ROBO2: variants seen among roughly 807,000 people sequenced by gnomAD.
The protein encoded by ROBO2 is roundabout homolog 2.
Under a neutral mutation model 160.8 loss-of-function variants are expected in ROBO2, and 53 were observed. The ratio of observed to expected loss-of-function variants is 0.33; its 90% CI spans 0.26 to 0.41. The LOEUF (loss-of-function observed/expected upper bound fraction) is 0.41, where lower values mean the gene tolerates loss of function less well. Ranked by LOEUF, ROBO2 falls within the 10% of genes least tolerant of loss-of-function variation. The pLI, the probability that ROBO2 is intolerant of heterozygous loss-of-function variation, is 1.00. For synonymous variants in ROBO2, 664 were observed against 611.7 expected, an observed-to-expected ratio of 1.09 and a Z score of -1.26; for missense variants, 1,577 against 1,722.4, an observed-to-expected ratio of 0.92 and a Z score of 1.49.
intron 2 of ROBO2, among the ~76,000 whole-genome samples, chr3:76,491,445 A>G (rs187481317): frequency 6.6e-6 from 1 of 152,280 alleles, no homozygotes; most frequent in Admixed American, 6.5e-5. Context: ...CTGAGTTAGC[A>G]AAGGAACTTG....
chr3:77,500,420 T>C (rs770723865), intron 5 of ROBO2, among the ~76,000 whole-genome samples: 1 of 152,208 alleles, frequency 6.6e-6, no homozygotes, highest in Non-Finnish European at 1.5e-5. Flanking sequence ...GAGGGCATGA[T>C]AATTATATGA....
At chr3:76,282,259 G>A (rs2107672428) in intron 2 of ROBO2, among the ~76,000 whole-genome samples, 1 of 151,974 alleles carries the variant, frequency 6.6e-6, no homozygotes, top group Middle Eastern at 3.4e-3. Context: ...GGTAGCTATG[G>A]ACCTGTACTT....
At chr3:77,210,907 A>G (rs1337022497) in intron 2 of ROBO2, among the ~76,000 whole-genome samples, 1 of 152,180 alleles carries the variant, frequency 6.6e-6, no homozygotes, top group Admixed American at 6.5e-5. Flanking sequence ...GTCCCTACAA[A>G]GGACATGAAC....
intron 2 of ROBO2, among the ~76,000 whole-genome samples, chr3:75,989,330 C>T (rs2065501173): frequency 6.6e-6 from 1 of 151,988 alleles, no homozygotes; most frequent in Non-Finnish European, 1.5e-5. Context: ...GTTGGCCAGG[C>T]TGGTCTCGAA....
chr3:77,276,738 C>T (rs572474732), intron 2 of ROBO2, among the ~76,000 whole-genome samples: 1 of 152,012 alleles, frequency 6.6e-6, no homozygotes, highest in Admixed American at 6.6e-5. Flanking sequence ...AAAAACATAC[C>T]CAAGATTGGG....
At chr3:77,378,630 TAGAG>T (rs1379141076) in intron 2 of ROBO2, among the ~76,000 whole-genome samples, 2 of 152,138 alleles carry the variant, frequency 1.3e-5, no homozygotes, top group South Asian at 2.1e-4. Flanking sequence ...ACTGTATAAA[TAGAG>T]AGATATGATT....
chr3:77,456,647 C>A (rs2081669739), intron 2 of ROBO2, among the ~76,000 whole-genome samples: 1 of 152,182 alleles, frequency 6.6e-6, no homozygotes, highest in South Asian at 2.1e-4. Flanking sequence ...TCTTAGGTGC[C>A]ATATGTGCTG....
At chr3:77,586,994 G>A (rs989655946) in intron 16 of ROBO2, among the ~76,000 whole-genome samples, 2 of 151,882 alleles carry the variant, frequency 1.3e-5, no homozygotes, top group African/African-American at 4.8e-5. Context: ...TTATAAGTAT[G>A]TATAAGGAAA....
At chr3:76,476,154 A>C (rs1236660121) in intron 2 of ROBO2, among the ~76,000 whole-genome samples, 1 of 152,200 alleles carries the variant, frequency 6.6e-6, no homozygotes, top group African/African-American at 2.4e-5. Context: ...CTGCATCTCA[A>C]ACAAACAAAA....
chr3:77,595,244 T>A, intron 18 of ROBO2, 60 bp downstream of exon 19: 1 of 1,250,012 alleles, frequency 8.0e-7, no homozygotes, highest in Non-Finnish European at 1.2e-6. Context: ...GGGGAAACTC[T>A]ATAGTAAGAG....
At chr3:76,580,607 TG>T (rs2085642139) in intron 2 of ROBO2, among the ~76,000 whole-genome samples, 1 of 152,078 alleles carries the variant, frequency 6.6e-6, no homozygotes, top group Non-Finnish European at 1.5e-5. Context: ...TCCCTCCTAT[TG>T]GCCAACAACC....
chr3:76,542,762 C>T (rs2108252872), intron 2 of ROBO2, among the ~76,000 whole-genome samples: 1 of 152,288 alleles, frequency 6.6e-6, no homozygotes, highest in South Asian at 2.1e-4. Context: ...TCTCTTTACT[C>T]CTCTGTCCAA....
At chr3:76,259,271 A>G (rs150707800) in intron 2 of ROBO2, among the ~76,000 whole-genome samples, 2,924 of 152,186 alleles carry the variant, frequency 0.019, 43 homozygotes, top group Non-Finnish European at 0.031. Context: ...AATTAAATCT[A>G]ATCTCCACCT....
At chr3:76,401,763 T>C (rs1332306297) in intron 2 of ROBO2, among the ~76,000 whole-genome samples, 1 of 151,392 alleles carries the variant, frequency 6.6e-6, no homozygotes, top group Non-Finnish European at 1.5e-5. Context: ...ATCATAAAAC[T>C]GCAAAATCAT....
chr3:76,236,001 A>G (rs1263653847), intron 2 of ROBO2, among the ~76,000 whole-genome samples: 2 of 152,208 alleles, frequency 1.3e-5, no homozygotes, highest in Non-Finnish European at 2.9e-5. Flanking sequence ...TCATATGTCA[A>G]TAAACTTTAA....
intron 3 of ROBO2, among the ~76,000 whole-genome samples, chr3:77,478,900 T>TAA (rs1315544166): frequency 1.3e-5 from 2 of 152,156 alleles, no homozygotes. Flanking sequence ...TCTAAAGGTT[T>TAA]AAGTCTTTTA....
chr3:76,011,760 C>G (rs1302246791), intron 2 of ROBO2, among the ~76,000 whole-genome samples: 1 of 152,162 alleles, frequency 6.6e-6, no homozygotes, highest in Non-Finnish European at 1.5e-5. Flanking sequence ...ACATTATGCT[C>G]CTCAATGGAA....
chr3:76,925,343 T>C (rs898530751), intron 2 of ROBO2, among the ~76,000 whole-genome samples: 1 of 152,182 alleles, frequency 6.6e-6, no homozygotes, highest in South Asian at 2.1e-4. Flanking sequence ...GGATACTTCA[T>C]ATATTTGCCT....
intron 2 of ROBO2, among the ~76,000 whole-genome samples, chr3:76,578,591 G>A (rs1156639080): frequency 6.6e-6 from 1 of 151,916 alleles, no homozygotes; most frequent in East Asian, 1.9e-4. Context: ...CTGTCTCTTG[G>A]CCTCCACGGA....
Sources: gnomAD v4.1 joint callset for allele counts (sites outside exome capture counted in the v4.1 genomes callset) on GRCh38, gnomAD v4.1.1 for gene constraint, MANE v1.5 for transcripts, NCBI Gene and HGNC (gene_info 2026-07-23, HGNC 2026-07-21) for gene names.